GLI2: variants seen among roughly 807,000 people sequenced by gnomAD.
GLI2 encodes the protein transcription activator GLI2.
A neutral mutation model predicts 78.9 loss-of-function variants in GLI2; 22 were observed. The ratio of observed to expected loss-of-function variants is 0.28; its 90% CI spans 0.20 to 0.40. The LOEUF is 0.40. Among genes scored for constraint, GLI2 ranks in the 10% least tolerant of loss-of-function variants. GLI2 has a pLI of 1.00. For missense variants in GLI2, 2,097 were observed against 2,213.2 expected, an observed-to-expected ratio of 0.95 and a Z score of 1.05; for synonymous variants, 974 against 963.7, an observed-to-expected ratio of 1.01 and a Z score of -0.20.
intron 2 of GLI2, among the ~76,000 whole-genome samples, chr2:120,879,732 T>G (rs1677019901): frequency 6.6e-6 from 1 of 152,150 alleles, no homozygotes; most frequent in Non-Finnish European, 1.5e-5. Flanking sequence ...TAATTACTAC[T>G]TAGGAGTTTG....
rs112781811 is a variant in GLI2 at position 120,843,359 on chromosome 2, G to C, written c.148+45891G>C. ...CCCCGAGGTAGTGCTGTTCAGAGCTGAGCCCATCACTGTGGCTACCCAGGC... is the reference window on the plus strand; with the variant it reads ...CCCCGAGGTAGTGCTGTTCAGAGCTCAGCCCATCACTGTGGCTACCCAGGC... On this transcript the variant is annotated intron_variant, in intron 2 of 13. Transcript: ENST00000361492. Among the ~76,000 whole-genome samples, 331 of 152,306 alleles carry C rather than the reference G, an allele frequency of 2.2e-3. 1 individual carries two copies. The highest frequency in any genetic ancestry group is 7.2e-3 in the African/African-American group (298 of 41,562).
At chr2:120,917,143 G>A (rs1474633445) in intron 2 of GLI2, among the ~76,000 whole-genome samples, 1 of 152,206 alleles carries the variant, frequency 6.6e-6, no homozygotes, top group Non-Finnish European at 1.5e-5. Context: ...GCCTTCTGGG[G>A]TTCATCACCA....
chr2:120,862,827 G>A (rs912856212), intron 2 of GLI2, among the ~76,000 whole-genome samples: 1 of 152,248 alleles, frequency 6.6e-6, no homozygotes, highest in Admixed American at 6.5e-5. Context: ...TAAGAGGACA[G>A]CCTGCTCAGA....
chr2:120,761,447 G>C (rs1187409300), intron 1 of GLI2, among the ~76,000 whole-genome samples: 2 of 152,200 alleles, frequency 1.3e-5, no homozygotes, highest in Non-Finnish European at 2.9e-5. Context: ...CAGCCCAGGG[G>C]GTGGCTGCTT....
chr2:120,909,145 A>G (rs1257154190), intron 2 of GLI2, among the ~76,000 whole-genome samples: 1 of 152,060 alleles, frequency 6.6e-6, no homozygotes, highest in East Asian at 1.9e-4. Flanking sequence ...ATTGGGAATA[A>G]ATGCACCCTC....
intron 1 of GLI2, among the ~76,000 whole-genome samples, chr2:120,750,457 C>T (rs1367769080): frequency 2.6e-5 from 4 of 152,234 alleles, no homozygotes; most frequent in African/African-American, 9.6e-5. Context: ...GCAAATCCAG[C>T]TCTGGCCTGC....
intron 1 of GLI2, among the ~76,000 whole-genome samples, chr2:120,760,064 G>A (rs751596090): frequency 6.6e-6 from 1 of 152,250 alleles, no homozygotes. Context: ...CCCCTTGTGA[G>A]ATTCTCCAGT....
intron 1 of GLI2, among the ~76,000 whole-genome samples, chr2:120,739,756 C>G (rs1682472935): frequency 1.3e-5 from 2 of 152,362 alleles, no homozygotes; most frequent in South Asian, 4.1e-4. Flanking sequence ...ACAAGTGAAA[C>G]ACGTGAAGAA....
intron 1 of GLI2, among the ~76,000 whole-genome samples, chr2:120,742,678 T>TAAAAAAAAAAAA (rs1359197508): frequency 3.5e-5 from 1 of 28,414 alleles, no homozygotes; most frequent in Admixed American, 3.4e-4. Flanking sequence ...TAGGATGACT[T>TAAAAAAAAAAAA]TAAAAAAAAA....
chr2:120,819,364 C>T (rs944749503), intron 2 of GLI2, among the ~76,000 whole-genome samples: 7 of 151,612 alleles, frequency 4.6e-5, no homozygotes, highest in Non-Finnish European at 7.4e-5. Context: ...CTCAGCCTCC[C>T]AAGTAGCTGA....
At chr2:120,751,993 A>G (rs1682885884) in intron 1 of GLI2, among the ~76,000 whole-genome samples, 1 of 152,206 alleles carries the variant, frequency 6.6e-6, no homozygotes, top group African/African-American at 2.4e-5. Context: ...AAAAGGTTAA[A>G]CCTGCAGAAA....
Position 120,989,143 on chromosome 2 carries a change from G to T in GLI2, c.3178G>T (p.Ala1060Ser). The change falls in exon 14 of 14, where the codon GCT (alanine) becomes TCT (serine). Residue 1060 changes from alanine to serine, a missense_variant. Physicochemically the swap from Ala to Ser is moderately conservative, Grantham distance 99 (BLOSUM62 1). Around this residue, in one of 5 missense-constraint regions of GLI2, gnomAD observed 1,290 missense variants for 1,261.7 expected, o/e 1.02. Transcript: ENST00000361492. ...GTACATCAAGGCGCACGCCAGTGGC[G>T]CTCTGGACGAGGGCACCGGGCAGGT... ...VQYIKAHASGALDEGTGQVYP... is the reference protein window; with the variant it reads ...VQYIKAHASGSLDEGTGQVYP... The T allele has an allele frequency of 6.2e-7, 1 of 1,613,062 alleles. No homozygotes were observed. The highest frequency in any genetic ancestry group is 8.5e-7 in the Non-Finnish European group (1 of 1,179,986).
Position 120,986,282 on chromosome 2 carries a change from G to A in GLI2, c.1910G>A (p.Cys637Tyr), listed in dbSNP as rs1431089381. The A allele has an allele frequency of 6.2e-7, 1 of 1,612,978 alleles. No individual in the cohort carries two copies. The highest frequency in any genetic ancestry group is 8.5e-7 in the Non-Finnish European group (1 of 1,179,942). ...RAIKTESSGLCQSSPGAQSSC... is the reference protein window; with the variant it reads ...RAIKTESSGLYQSSPGAQSSC... ...TTCTTGCCTCGTCCCCTGCAGCTGT[G>A]TCAGTCCAGCCCCGGGGCCCAGTCG... Residue 637 changes from cysteine to tyrosine, a missense_variant, in exon 13 of 14, where the codon TGT becomes TAT. By Grantham distance (194) the Cys-to-Tyr change is radical. This residue lies in a region of GLI2 where 68 missense variants were observed against 104.4 expected (regional missense o/e 0.65). Transcript: ENST00000361492.
intron 5 of GLI2, among the ~76,000 whole-genome samples, chr2:120,958,579 T>C (rs2104977146): frequency 6.6e-6 from 1 of 152,278 alleles, no homozygotes; most frequent in South Asian, 2.1e-4. Context: ...GCTCAGCCCC[T>C]GCCACTTCTA....
chr2:120,988,168 C>A, intron 13 of GLI2, 40 bp from the exon 14 acceptor site: 1 of 1,546,284 alleles, frequency 6.5e-7, no homozygotes, highest in Non-Finnish European at 8.7e-7. Flanking sequence ...AAGCAGCCAC[C>A]CACCCTTGTC....
chr2:120,917,073 G>T (rs985750345), intron 2 of GLI2, among the ~76,000 whole-genome samples: 1 of 152,200 alleles, frequency 6.6e-6, no homozygotes, highest in Non-Finnish European at 1.5e-5. Context: ...GGCCAGAAGC[G>T]ACCTTAGCCA....
At chr2:120,934,645 C>G (rs1283679409) in intron 3 of GLI2, among the ~76,000 whole-genome samples, 1 of 152,186 alleles carries the variant, frequency 6.6e-6, no homozygotes, top group Non-Finnish European at 1.5e-5. Flanking sequence ...GGCCTCACCT[C>G]CCTTTCATCT....
intron 2 of GLI2, among the ~76,000 whole-genome samples, chr2:120,835,545 C>T (rs1444195769): frequency 1.3e-5 from 2 of 152,070 alleles, no homozygotes; most frequent in Non-Finnish European, 2.9e-5. Flanking sequence ...GCCACCACAC[C>T]TGGCTAATGT....
chr2:120,779,433 G>A (rs1388316197), intron 1 of GLI2, among the ~76,000 whole-genome samples: 1 of 152,218 alleles, frequency 6.6e-6, no homozygotes, highest in Non-Finnish European at 1.5e-5. Flanking sequence ...GGCTTGCAAG[G>A]TGCAGGTGTT....
Sources: allele counts gnomAD v4.1 joint callset (sites outside exome capture counted in the v4.1 genomes callset), GRCh38; gene constraint gnomAD v4.1.1; regional missense constraint gnomAD v4.1.1; transcripts MANE v1.5; gene names NCBI Gene and HGNC (gene_info 2026-07-23, HGNC 2026-07-21).